Variants in INPP4B observed in about 807,000 individuals in gnomAD.
INPP4B encodes the protein inositol polyphosphate-4-phosphatase type II B.
In INPP4B, 55 loss-of-function variants were observed where a neutral mutation model predicts 122.5. The ratio of observed to expected loss-of-function variants is 0.45; its 90% confidence interval spans 0.36 to 0.56. The LOEUF (loss-of-function observed/expected upper bound fraction) is 0.56, where lower values mean the gene tolerates loss of function less well. Among genes scored for constraint, INPP4B ranks in the 20% least tolerant of loss-of-function variants. INPP4B has a pLI of 0.00. For synonymous variants in INPP4B, 403 were observed against 388.7 expected (o/e 1.04, Z -0.43); for missense variants, 1,000 against 1,097.7 (o/e 0.91, Z 1.26).
chr4:142,761,433 A>G (rs145270992), intron 1 of INPP4B, among the ~76,000 whole-genome samples: 148 of 152,300 alleles, frequency 9.7e-4, no homozygotes, highest in East Asian at 5.0e-3. Flanking sequence ...CTTTCTACAC[A>G]AAAACATACA....
At chr4:142,643,059 A>G (rs981598912) in intron 2 of INPP4B, among the ~76,000 whole-genome samples, 52 of 150,726 alleles carry the variant, frequency 3.4e-4, no homozygotes, top group African/African-American at 1.1e-3. Context: ...TCATGATTTG[A>G]CTCTCTCTTT....
At chr4:142,797,593 A>G (rs571752579) in intron 1 of INPP4B, among the ~76,000 whole-genome samples, 3 of 151,982 alleles carry the variant, frequency 2.0e-5, no homozygotes, top group Non-Finnish European at 4.4e-5. Context: ...AAACAAATCT[A>G]GACAAATTTT....
At chr4:142,810,169 C>CAA (rs201292060) in intron 1 of INPP4B, among the ~76,000 whole-genome samples, 11,535 of 103,646 alleles carry the variant, frequency 0.11, 1,135 homozygotes, top group African/African-American at 0.27. Context: ...GACTCCATCT[C>CAA]AAAAAAAAAA....
At chr4:142,284,854 T>C (rs1752786123) in intron 9 of INPP4B, among the ~76,000 whole-genome samples, 1 of 152,156 alleles carries the variant, frequency 6.6e-6, no homozygotes, top group South Asian at 2.1e-4. Flanking sequence ...TGCGAAACTC[T>C]GGGCTTAGCC....
At chr4:142,686,378 G>C (rs922154595) in intron 2 of INPP4B, among the ~76,000 whole-genome samples, 6 of 152,012 alleles carry the variant, frequency 3.9e-5, no homozygotes, top group Non-Finnish European at 8.8e-5. Context: ...AAAGCCAAAA[G>C]AAAAAAACCC....
chr4:142,527,906 G>T (rs183695218), intron 2 of INPP4B, among the ~76,000 whole-genome samples: 123 of 151,326 alleles, frequency 8.1e-4, no homozygotes, highest in African/African-American at 2.8e-3. Context: ...ATATGCATTT[G>T]CACTGGTGGT....
rs986304055 is a variant in INPP4B at position 142,190,201 on chromosome 4, A to G, written c.1181+2886T>C. On this transcript the variant is annotated intron_variant, in intron 15 of 25. Transcript: ENST00000262992. Reference sequence around the variant, plus strand: ...GGGTTTTTTATTTGTTTGTTTGTTTATTTTTGTTTTTTTTTTTTTGGTGGG... The same window carrying G: ...GGGTTTTTTATTTGTTTGTTTGTTTGTTTTTGTTTTTTTTTTTTTGGTGGG... Among the ~76,000 whole-genome samples, 13 of 26,516 alleles carry G rather than the reference A, an allele frequency of 4.9e-4. No homozygotes were observed. In the East Asian group the frequency reaches 0.025, roughly 50 times the overall value. The allele number at this position is 26,516 out of a possible 152,430, so 17.4% of individuals were successfully genotyped here. A position where few individuals can be genotyped will look rare whatever the true frequency, so the allele number is the denominator to read the frequency against.
At chr4:142,291,529 C>T (rs112775510) in intron 9 of INPP4B, among the ~76,000 whole-genome samples, 40 of 152,256 alleles carry the variant, frequency 2.6e-4, no homozygotes, top group African/African-American at 8.9e-4. Flanking sequence ...GAAGAGGAAA[C>T]TCTTTCCTAG....
intron 2 of INPP4B, among the ~76,000 whole-genome samples, chr4:142,542,252 T>C (rs1419387175): frequency 6.6e-6 from 1 of 152,188 alleles, no homozygotes; most frequent in Non-Finnish European, 1.5e-5. Flanking sequence ...TTATATTTCT[T>C]AGAGTCCTTT....
intron 2 of INPP4B, among the ~76,000 whole-genome samples, chr4:142,520,540 CTTTA>C (rs1181869558): frequency 6.6e-6 from 1 of 151,806 alleles, no homozygotes; most frequent in African/African-American, 2.4e-5. Flanking sequence ...ATTCTATTTA[CTTTA>C]TTTATTATTG....
At chr4:142,139,031 C>A (rs1362842125) in intron 18 of INPP4B, among the ~76,000 whole-genome samples, 1 of 152,082 alleles carries the variant, frequency 6.6e-6, no homozygotes, top group Non-Finnish European at 1.5e-5. Context: ...AGTCTTTTAT[C>A]TTGTAAGTGA....
intron 12 of INPP4B, among the ~76,000 whole-genome samples, chr4:142,227,396 C>T (rs537619397): frequency 4.6e-5 from 7 of 151,932 alleles, no homozygotes; most frequent in South Asian, 2.1e-4. Flanking sequence ...GCTGTCATTG[C>T]GCGATTTTTA....
chr4:142,245,926 GTA>G (rs1728120220), intron 11 of INPP4B, among the ~76,000 whole-genome samples: 1 of 17,284 alleles, frequency 5.8e-5, no homozygotes, highest in African/African-American at 1.4e-4. Flanking sequence ...ATATGTGTAT[GTA>G]TACATATATG....
intron 3 of INPP4B, among the ~76,000 whole-genome samples, chr4:142,460,862 C>T (rs1816584887): frequency 6.6e-6 from 1 of 152,172 alleles, no homozygotes; most frequent in Admixed American, 6.5e-5. Flanking sequence ...GCTGCAAAGA[C>T]AAAATCTCCA....
intron 23 of INPP4B, among the ~76,000 whole-genome samples, chr4:142,096,713 G>A (rs915496331): frequency 3.9e-5 from 6 of 152,026 alleles, no homozygotes; most frequent in Non-Finnish European, 2.9e-5. Context: ...TCTGCAATGA[G>A]TTTAAAATAA....
At chr4:142,398,440 AT>A (rs1318927340) in intron 7 of INPP4B, among the ~76,000 whole-genome samples, 55 of 104,504 alleles carry the variant, frequency 5.3e-4, no homozygotes, top group African/African-American at 1.8e-3. Flanking sequence ...ATATATATAT[AT>A]ATATAAAACA....
intron 25 of INPP4B, among the ~76,000 whole-genome samples, chr4:142,073,111 A>G (rs1210473611): frequency 6.6e-6 from 1 of 152,118 alleles, no homozygotes; most frequent in Non-Finnish European, 1.5e-5. Context: ...GAGATATCAC[A>G]TGTGATTTGT....
chr4:142,063,837 A>C (rs1762211876), intron 25 of INPP4B, among the ~76,000 whole-genome samples: 1 of 152,182 alleles, frequency 6.6e-6, no homozygotes. Context: ...AAAAAACTAA[A>C]TAAAGCATAC....
chr4:142,304,611 G>A (rs1412192344), intron 9 of INPP4B, among the ~76,000 whole-genome samples: 2 of 151,948 alleles, frequency 1.3e-5, no homozygotes, highest in African/African-American at 4.8e-5. Flanking sequence ...TGGCGGAAGG[G>A]GACAAACAAA....
Sources: allele counts gnomAD v4.1 joint callset (sites outside exome capture counted in the v4.1 genomes callset), GRCh38; gene constraint gnomAD v4.1.1; transcripts MANE v1.5; gene names NCBI Gene and HGNC (gene_info 2026-07-23, HGNC 2026-07-21).